Variants in SOX5 observed in about 807,000 individuals in gnomAD.
The protein encoded by SOX5 is SRY-box transcription factor 5.
SOX5 carries 9 observed loss-of-function variants against 92.0 expected under a neutral mutation model. The ratio of observed to expected loss-of-function variants is 0.10; its 90% CI spans 0.06 to 0.17. The LOEUF (loss-of-function observed/expected upper bound fraction) is 0.17, where lower values mean the gene tolerates loss of function less well. Among genes scored for constraint, SOX5 ranks in the 10% least tolerant of loss-of-function variants. SOX5 has a pLI of 1.00. For synonymous variants in SOX5, 344 were observed against 336.3 expected, an observed-to-expected ratio of 1.02 and a Z score of -0.25; for missense variants, 642 against 944.5, an observed-to-expected ratio of 0.68 and a Z score of 4.20.
At chr12:24,482,016 C>T (rs74554917) in intron 1 of SOX5, among the ~76,000 whole-genome samples, 1,601 of 152,256 alleles carry the variant, frequency 0.011, 15 homozygotes, top group Non-Finnish European at 0.017. Context: ...GGAGAAAAGA[C>T]TTTAAGGAGG....
Position 23,895,783 on chromosome 12 carries a change from A to C in SOX5, c.270+10T>G. 2.5e-6 allele frequency: 4 copies of C among 1,590,218 alleles called. No homozygotes were observed. Among genetic ancestry groups the C allele is most frequent in the Non-Finnish European group, 3.5e-6 (4 of 1,158,258 alleles). ...GTGAGTGTAGGCACAATAAACCATG[A>C]GAAACCTACCATTGTATTGTGCTGA... is the stretch of plus-strand genomic sequence containing the variant. On this transcript the variant is annotated intron_variant, in intron 2 of 14. Coordinates refer to ENST00000451604, the MANE Select transcript of SOX5 (RefSeq NM_006940.6).
At chr12:24,115,368 G>A (rs1947875830) in intron 4 of SOX5, among the ~76,000 whole-genome samples, 1 of 152,228 alleles carries the variant, frequency 6.6e-6, no homozygotes, top group East Asian at 1.9e-4. Flanking sequence ...AGAAATCAGT[G>A]TTCGAGCAGA....
chr12:24,000,902 G>C (rs901409820), intron 4 of SOX5, among the ~76,000 whole-genome samples: 1 of 152,054 alleles, frequency 6.6e-6, no homozygotes, highest in Non-Finnish European at 1.5e-5. Flanking sequence ...AATTAGACAG[G>C]ATATACAAGA....
At chr12:24,320,140 G>C (rs1356278087) in intron 2 of SOX5, among the ~76,000 whole-genome samples, 1 of 152,110 alleles carries the variant, frequency 6.6e-6, no homozygotes, top group Non-Finnish European at 1.5e-5. Flanking sequence ...TTTGGAAAAA[G>C]TTACCCAAGT....
At chr12:23,617,769 A>C (rs2076733792) in intron 8 of SOX5, among the ~76,000 whole-genome samples, 1 of 151,362 alleles carries the variant, frequency 6.6e-6, no homozygotes, top group Non-Finnish European at 1.5e-5. Flanking sequence ...CACACCAATA[A>C]ATCTTAAACA....
intron 2 of SOX5, among the ~76,000 whole-genome samples, chr12:24,349,757 T>C (rs1953831878): frequency 6.6e-6 from 1 of 152,222 alleles, no homozygotes; most frequent in East Asian, 1.9e-4. Context: ...TACAAATAGC[T>C]CTTTGAAACC....
intron 2 of SOX5, chr12:24,368,394 C>T (rs752699833): frequency 2.6e-5 from 4 of 152,090 alleles, no homozygotes; most frequent in Admixed American, 2.0e-4. Context: ...ATATGAGAAA[C>T]CATCTCCAAA....
chr12:24,035,908 C>T (rs116238193), intron 4 of SOX5, among the ~76,000 whole-genome samples: 21 of 151,978 alleles, frequency 1.4e-4, no homozygotes, highest in African/African-American at 4.3e-4. Context: ...ATTATCCTTC[C>T]GAGTTGATCT....
At chr12:23,869,714 G>A (rs1006822774) in intron 2 of SOX5, among the ~76,000 whole-genome samples, 15 of 152,082 alleles carry the variant, frequency 9.9e-5, no homozygotes, top group Non-Finnish European at 7.4e-5. Flanking sequence ...AAGACTTCCC[G>A]ATGAAAGAAG....
chr12:23,794,579 T>C (rs943556847), intron 3 of SOX5, among the ~76,000 whole-genome samples: 1 of 152,184 alleles, frequency 6.6e-6, no homozygotes, highest in Non-Finnish European at 1.5e-5. Context: ...GTCTATCATA[T>C]AGTAGTCATT....
rs543939967 is a variant in SOX5 at position 23,734,810 on chromosome 12, T to C, written c.742-58A>G. On this transcript the variant is annotated intron_variant, in intron 5 of 14. Coordinates refer to ENST00000451604, the MANE Select transcript of SOX5 (RefSeq NM_006940.6). Reference sequence around the variant, plus strand: ...GTATATTGTAGTCCCGGAGGGAAGTTACTAATGTTCTGTTTCTCAAAGTTT... The same window carrying C: ...GTATATTGTAGTCCCGGAGGGAAGTCACTAATGTTCTGTTTCTCAAAGTTT... 6.8e-4 allele frequency: 930 copies of C among 1,371,920 alleles called. 1 individual carries two copies. The highest frequency in any genetic ancestry group is 8.4e-4 in the Non-Finnish European group (816 of 967,850). The allele number at this position is 1,371,920 out of a possible 1,614,324, so 85.0% of individuals were successfully genotyped here. A position where few individuals can be genotyped will look rare whatever the true frequency, so the allele number is the denominator to read the frequency against.
At chr12:24,356,648 T>A (rs896051108) in intron 2 of SOX5, among the ~76,000 whole-genome samples, 1 of 152,148 alleles carries the variant, frequency 6.6e-6, no homozygotes, top group African/African-American at 2.4e-5. Context: ...TGCACAGGCC[T>A]CTCAGTCTCA....
intron 3 of SOX5, among the ~76,000 whole-genome samples, chr12:24,254,256 GA>G (rs1203806152): frequency 7.9e-5 from 12 of 151,920 alleles, no homozygotes; most frequent in African/African-American, 2.4e-4. Flanking sequence ...TGATATCCCA[GA>G]GTCAATATAC....
Position 24,447,417 on chromosome 12 carries a change from A to G in SOX5, c.-250-78778T>C, listed in dbSNP as rs1941646913. Reference sequence around the variant, plus strand: ...AAATACCTGACTGTCAAGGTCACGAAAAACAAGGAAAATCTGAGAAACTGT... The same window carrying G: ...AAATACCTGACTGTCAAGGTCACGAGAAACAAGGAAAATCTGAGAAACTGT... On this transcript the variant is annotated intron_variant, in intron 1 of 4. Transcript: ENST00000446891. 2.6e-5 allele frequency among the ~76,000 whole-genome samples: 4 copies of G among 152,334 alleles called. No homozygotes were observed. The South Asian group carries it at 8.3e-4, about 32-fold the overall frequency.
intron 1 of SOX5, among the ~76,000 whole-genome samples, chr12:24,397,780 T>TC (rs1029056142): frequency 6.6e-6 from 1 of 152,068 alleles, no homozygotes; most frequent in Admixed American, 6.6e-5. Context: ...TAATGCTTTT[T>TC]CCCCTACACT....
intron 2 of SOX5, among the ~76,000 whole-genome samples, chr12:23,850,046 AACT>A (rs2096614526): frequency 1.3e-5 from 2 of 152,176 alleles, no homozygotes; most frequent in Non-Finnish European, 2.9e-5. Context: ...GCATAAGATG[AACT>A]ACAGATACAC....
At chr12:23,950,425 G>A (rs1479351953), upstream of SOX5, among the ~76,000 whole-genome samples, 3 of 152,130 alleles carry the variant, frequency 2.0e-5, no homozygotes, top group East Asian at 3.9e-4. Flanking sequence ...CGTGCTTTCC[G>A]CAAAGTGGTG....
At chr12:24,128,978 T>C (rs1783364378) in intron 4 of SOX5, among the ~76,000 whole-genome samples, 1 of 152,090 alleles carries the variant, frequency 6.6e-6, no homozygotes. Context: ...ATATACTTTG[T>C]GAATAGAAAC....
At chr12:24,201,807 C>T (rs372143254) in intron 4 of SOX5, among the ~76,000 whole-genome samples, 25 of 152,264 alleles carry the variant, frequency 1.6e-4, no homozygotes, top group East Asian at 3.9e-4. Context: ...ATGGCTGCAC[C>T]GATACTGTGC....
Sources: gnomAD v4.1 joint callset for allele counts (sites outside exome capture counted in the v4.1 genomes callset) on GRCh38, gnomAD v4.1.1 for gene constraint, MANE v1.5 for transcripts, NCBI Gene and HGNC (gene_info 2026-07-23, HGNC 2026-07-21) for gene names.